Variants in MFAP3L observed in about 807,000 individuals in gnomAD.
The protein encoded by MFAP3L is microfibril associated protein 3 like.
A neutral mutation model predicts 20.0 loss-of-function variants in MFAP3L; 5 were observed. That is an observed-to-expected ratio of 0.25 (90% CI 0.13 to 0.53). The LOEUF is 0.53. MFAP3L is among the 20% of genes least tolerant of loss of function. MFAP3L has a pLI of 0.96. For synonymous variants in MFAP3L, 219 were observed against 213.0 expected (o/e 1.03, Z -0.25); for missense variants, 409 against 527.5 (o/e 0.78, Z 2.20).
chr4:170,025,602 T>C (rs1370403080), intron 1 of MFAP3L, among the ~76,000 whole-genome samples: 1 of 152,020 alleles, frequency 6.6e-6, no homozygotes, highest in Non-Finnish European at 1.5e-5. Flanking sequence ...CTGCAATCAC[T>C]CTGTATTTTA....
At chr4:170,014,772 T>C (rs1739595133) in intron 1 of MFAP3L, among the ~76,000 whole-genome samples, 1 of 152,198 alleles carries the variant, frequency 6.6e-6, no homozygotes, top group Non-Finnish European at 1.5e-5. Context: ...TCACATTTGA[T>C]TGTGCACACA....
chr4:169,992,926 T>C lies in MFAP3L; in HGVS notation c.299-617A>G, dbSNP rs899070720. On this transcript the variant is annotated intron_variant, in intron 2 of 2. Transcript: ENST00000361618. The surrounding 1 kb of genome is among the most constrained non-coding windows in gnomAD (Gnocchi z 4.3). Reference sequence around the variant, plus strand: ...TTGAGACTCCACAGTGAATTATCTATACTATTTAAAGTTACAAGCTAACAA... The same window carrying C: ...TTGAGACTCCACAGTGAATTATCTACACTATTTAAAGTTACAAGCTAACAA... Among the ~76,000 whole-genome samples the C allele has an allele frequency of 4.6e-5, 7 of 152,254 alleles. No individual in the cohort carries two copies. The highest frequency in any genetic ancestry group is 7.3e-5 in the Non-Finnish European group (5 of 68,040).
Position 169,991,741 on chromosome 4 carries a change from G to C in MFAP3L, c.867C>G (p.Ile289Met), listed in dbSNP as rs765283300. ...AGTCGCTCCGCTTCAGAGAGTTGGG[G>C]ATTGTGTAGACCTCATCCCTGTCTG... is the stretch of plus-strand genomic sequence containing the variant. ...EAADRDEVYT[I>M]PNSLKRSDSP... Residue 289 changes from isoleucine to methionine, a missense_variant, in exon 3 of 3, where the codon ATC becomes ATG. Transcript: ENST00000361618. This position sits in a 1 kb window ranked among gnomAD's most constrained non-coding sequence, Gnocchi z 4.9. 9 of 1,613,954 alleles carry C rather than the reference G, an allele frequency of 5.6e-6. No individual in the cohort carries two copies. The highest frequency in any genetic ancestry group is 5.9e-6 in the Non-Finnish European group (7 of 1,180,022).
In MFAP3L at chr4:169,987,874, T is replaced by C. The variant is rs1737383002; in HGVS notation, c.*3504A>G. On this transcript the variant is annotated 3_prime_UTR_variant, in exon 3 of 3. Coordinates refer to ENST00000361618, the MANE Select transcript of MFAP3L (RefSeq NM_021647.8). ...CACATTGCTTTCTTGTTATCTCACA[T>C]TTGCCCTTCAAAACAAAGTTTCGAC... The C allele has an allele frequency of 6.6e-6, 1 of 152,176 alleles. No homozygotes were observed. 9.4% of individuals were successfully genotyped at this position (152,176 alleles called of 1,614,324 possible).
chr4:170,024,106 G>A (rs1229617901), intron 1 of MFAP3L, among the ~76,000 whole-genome samples: 1 of 152,112 alleles, frequency 6.6e-6, no homozygotes, highest in Non-Finnish European at 1.5e-5. Context: ...TTTGTAACAT[G>A]CCTACAAAGT....
intron 2 of MFAP3L, 145 bp downstream of exon 2, chr4:170,005,435 G>T: frequency 1.1e-6 from 1 of 915,084 alleles, no homozygotes; most frequent in Non-Finnish European, 1.7e-6. Context: ...AATCCTTAAG[G>T]ATATATATTC....
chr4:170,016,175 C>T (rs1283970927), intron 1 of MFAP3L, among the ~76,000 whole-genome samples: 2 of 152,018 alleles, frequency 1.3e-5, no homozygotes, highest in Non-Finnish European at 2.9e-5. Context: ...GAATATAAAA[C>T]GCTAAGATTC....
At chr4:170,018,029 AAC>A (rs1739808253) in intron 1 of MFAP3L, among the ~76,000 whole-genome samples, 1 of 152,232 alleles carries the variant, frequency 6.6e-6, no homozygotes, top group Non-Finnish European at 1.5e-5. Flanking sequence ...GGGGATTAAA[AAC>A]AGTTTAAGAC....
At position 169,987,667 on chromosome 4, in the gene MFAP3L, G is replaced by GCTTGT. The variant is rs1737367551; in HGVS notation, c.*3710_*3711insACAAG. 1 of 152,112 alleles carries GCTTGT rather than the reference G, an allele frequency of 6.6e-6. No homozygotes were observed. The highest frequency in any genetic ancestry group is 1.5e-5 in the Non-Finnish European group (1 of 68,020). 9.4% of individuals were successfully genotyped at this position (152,112 alleles called of 1,614,324 possible). ...AGTTAATTTGTGTTGGCTGCACGGG[G>GCTTGT]CTTAGAGCATGCTGTTCCAAACATG... On this transcript the variant is annotated 3_prime_UTR_variant, in exon 3 of 3. Transcript: ENST00000361618.
At chr4:170,022,626 C>CT (rs998733620) in intron 1 of MFAP3L, among the ~76,000 whole-genome samples, 2 of 152,158 alleles carry the variant, frequency 1.3e-5, no homozygotes, top group African/African-American at 4.8e-5. Context: ...TCAAACAGGT[C>CT]TTAACGAGCC....
chr4:170,007,793 T>C (rs1303654809), intron 1 of MFAP3L, among the ~76,000 whole-genome samples: 5 of 152,118 alleles, frequency 3.3e-5, no homozygotes, highest in Non-Finnish European at 5.9e-5. Context: ...GCTGGGTCAC[T>C]CATTATTGAC....
At chr4:170,001,818 T>C (rs755748572) in intron 2 of MFAP3L, 8 of 641,340 alleles carry the variant, frequency 1.2e-5, no homozygotes, top group Non-Finnish European at 1.4e-5. Flanking sequence ...CAGATAGAGA[T>C]CACACATTAG....
rs780197930 is a variant in MFAP3L, at chr4:169,988,146, G to C, written c.*3232C>G. 6.6e-6 allele frequency: 1 copy of C among 152,130 alleles called. No homozygotes were observed. Among genetic ancestry groups the C allele is most frequent in the African/African-American group, 2.4e-5 (1 of 41,430 alleles). 9.4% of individuals were successfully genotyped at this position (152,130 alleles called of 1,614,324 possible). A position where few individuals can be genotyped will look rare whatever the true frequency, so the allele number is the denominator to read the frequency against. The stretch of plus-strand genomic sequence containing the variant: ...AGAAGCTATATATCACATGTATCAC[G>C]TTTGGTTCCTAGAGATTTTAGTCAA... On this transcript the variant is annotated 3_prime_UTR_variant, in exon 3 of 3. Coordinates refer to ENST00000361618, the MANE Select transcript of MFAP3L (RefSeq NM_021647.8).
chr4:170,003,874 A>T (rs1412930168), intron 2 of MFAP3L: 2 of 984,698 alleles, frequency 2.0e-6, no homozygotes, highest in African/African-American at 3.5e-5. Flanking sequence ...TCCTGGAGGA[A>T]GTGGCTGTAG....
At chr4:169,998,425 C>T (rs76086046) in intron 2 of MFAP3L, among the ~76,000 whole-genome samples, 1,854 of 152,314 alleles carry the variant, frequency 0.012, 50 homozygotes, top group African/African-American at 0.042. Flanking sequence ...CAATGAGCAA[C>T]GCATTCTGAA....
chr4:170,000,534 T>C (rs147169754), intron 2 of MFAP3L, among the ~76,000 whole-genome samples: 1,688 of 152,206 alleles, frequency 0.011, 20 homozygotes, highest in Non-Finnish European at 0.016. Flanking sequence ...AGACTCACAA[T>C]CCCACTTGTA....
In MFAP3L at chr4:169,992,996, T is replaced by C. The variant is rs1737844623; in HGVS notation, c.299-687A>G. ...GATATGAATTAATATCAATTTGTTT[T>C]AGCCTTGCAAATAAATTACAGACCC... is the stretch of plus-strand genomic sequence containing the variant. On this transcript the variant is annotated intron_variant, in intron 2 of 2. Transcript: ENST00000361618. This position sits in a 1 kb window ranked among gnomAD's most constrained non-coding sequence, Gnocchi z 4.3. Among the ~76,000 whole-genome samples, 2 of 152,242 alleles carry C rather than the reference T, an allele frequency of 1.3e-5. No homozygotes were observed. Among genetic ancestry groups the C allele is most frequent in the Non-Finnish European group, 2.9e-5 (2 of 68,046 alleles).
intron 1 of MFAP3L, among the ~76,000 whole-genome samples, chr4:170,007,246 G>A (rs1020762434): frequency 6.6e-5 from 10 of 152,076 alleles, no homozygotes; most frequent in Middle Eastern, 6.3e-3. Flanking sequence ...AACACATTAC[G>A]CCACCAGCTG....
chr4:170,004,969 G>A (rs979361419), intron 2 of MFAP3L: 10 of 152,506 alleles, frequency 6.6e-5, no homozygotes, highest in South Asian at 4.1e-4. Flanking sequence ...AGTCTTTCCC[G>A]GAGTGAGGTG....
Sources: gnomAD v4.1 joint callset for allele counts (sites outside exome capture counted in the v4.1 genomes callset) on GRCh38, gnomAD v4.1.1 for gene constraint, Gnocchi (gnomAD v3.1) non-coding constraint, MANE v1.5 for transcripts, NCBI Gene and HGNC (gene_info 2026-07-23, HGNC 2026-07-21) for gene names.